The following ARPC1B variants were observed in gnomAD, a reference collection of about 807,000 sequenced individuals.
ARPC1B encodes the protein actin related protein 2/3 complex subunit 1B, also known as actin-related protein 2/3 complex subunit 1B.
In ARPC1B, 29 loss-of-function variants were observed where a neutral mutation model predicts 46.0. The ratio of observed to expected loss-of-function variants is 0.63; its 90% CI spans 0.47 to 0.86. The LOEUF (loss-of-function observed/expected upper bound fraction) is 0.86. Ranked by LOEUF, ARPC1B falls within the 40% of genes least tolerant of loss-of-function variation. ARPC1B has a pLI of 0.00. For synonymous variants in ARPC1B, 201 were observed against 213.9 expected, an observed-to-expected ratio of 0.94 and a Z score of 0.53; for missense variants, 469 against 529.4, an observed-to-expected ratio of 0.89 and a Z score of 1.12.
chr7:99,390,428 G>A (rs1242717626), intron 5 of ARPC1B, among the ~76,000 whole-genome samples: 3 of 151,810 alleles, frequency 2.0e-5, no homozygotes, highest in African/African-American at 7.3e-5. Flanking sequence ...GAGTGCAGTG[G>A]CGTGATATTG....
chr7:99,394,464 C>T lies in ARPC1B; in HGVS notation c.1094C>T (p.Ala365Val). The T allele has an allele frequency of 1.9e-6, 3 of 1,613,970 alleles. No individual in the cohort carries two copies. Among genetic ancestry groups the T allele is most frequent in the Non-Finnish European group, 2.5e-6 (3 of 1,179,964 alleles). ...GCCTCCCTGCAGAGCTTGGAGTCAG[C>T]CTTGAAGGACCTCAAGATCAAATGA... is the stretch of plus-strand genomic sequence containing the variant. The part of the protein sequence containing the change: ...SIWDVKSLES[A>V]LKDLKIK Residue 365 changes from alanine to valine, a missense_variant, in exon 10 of 10, where the codon GCC becomes GTC. Ala to Val is a moderately conservative substitution (Grantham distance 64, BLOSUM62 0). Coordinates refer to ENST00000646101, the MANE Select transcript of ARPC1B (RefSeq NM_005720.4).
At chr7:99,390,369 ATT>A (rs768452207) in intron 5 of ARPC1B, among the ~76,000 whole-genome samples, 25 of 140,422 alleles carry the variant, frequency 1.8e-4, no homozygotes, top group African/African-American at 1.6e-4. Flanking sequence ...GCTAGACAGG[ATT>A]TTTTTTTTTT....
chr7:99,388,037 A>G lies in ARPC1B; in HGVS notation c.170-2A>G. On this transcript the variant is annotated splice_acceptor_variant, in intron 3 of 9. Coordinates refer to ENST00000646101, the MANE Select transcript of ARPC1B (RefSeq NM_005720.4). LOFTEE classifies it high-confidence loss of function. ...TCCTGTGTTCCCTCCATCCCCCCACAGGCATCGACTGGGCCCCCGAGAGTA... is the reference window on the plus strand; with the variant it reads ...TCCTGTGTTCCCTCCATCCCCCCACGGGCATCGACTGGGCCCCCGAGAGTA... 1 of 1,591,892 alleles carries G rather than the reference A, an allele frequency of 6.3e-7. No homozygotes were observed. The highest frequency in any genetic ancestry group is 8.6e-7 in the Non-Finnish European group (1 of 1,161,552).
At chr7:99,385,307 G>C (rs1244177822) in intron 1 of ARPC1B, among the ~76,000 whole-genome samples, 1 of 77,872 alleles carries the variant, frequency 1.3e-5, no homozygotes, top group Non-Finnish European at 2.1e-5. Context: ...AAGTTGGGTG[G>C]GGGGGGGGGG....
At chr7:99,383,893 C>T (rs1794300147) in intron 1 of ARPC1B, among the ~76,000 whole-genome samples, 5 of 152,174 alleles carry the variant, frequency 3.3e-5, no homozygotes, top group South Asian at 2.1e-4. Flanking sequence ...AGGCCAGGTG[C>T]GGTGTGTCAT....
intron 1 of ARPC1B, among the ~76,000 whole-genome samples, chr7:99,381,258 T>C (rs1389380460): frequency 1.3e-5 from 2 of 152,200 alleles, no homozygotes; most frequent in African/African-American, 2.4e-5. Flanking sequence ...AAAGTGTGCT[T>C]GTGGACACAG....
intron 5 of ARPC1B, 60 bp downstream of exon 5, chr7:99,390,072 G>A (rs901898059): frequency 6.9e-7 from 1 of 1,456,624 alleles, no homozygotes. Context: ...TGACATCATA[G>A]CGGGGAGCCG....
Position 99,385,852 on chromosome 7 carries a change from G to A in ARPC1B, c.64+74G>A, listed in dbSNP as rs536397436. On this transcript the variant is annotated intron_variant, in intron 2 of 9. Coordinates refer to ENST00000646101, the MANE Select transcript of ARPC1B (RefSeq NM_005720.4). ...TGGGGACCAGCCAGAGCACACATGG[G>A]GACTCTGGAGCAGCCAGGCCCCCGG... is the stretch of plus-strand genomic sequence containing the variant. 3 of 1,470,656 alleles carry A rather than the reference G, an allele frequency of 2.0e-6. No individual in the cohort carries two copies. In the Admixed American group the frequency reaches 5.9e-5, roughly 29 times the overall value. The allele number at this position is 1,470,656 out of a possible 1,614,324, so 91.1% of individuals were successfully genotyped here.
At chr7:99,388,455 AC>A (rs1794470406) in intron 4 of ARPC1B, among the ~76,000 whole-genome samples, 194 bp downstream of exon 4, 1 of 152,040 alleles carries the variant, frequency 6.6e-6, no homozygotes, top group African/African-American at 2.4e-5. Context: ...TGCCAGTGAC[AC>A]CCACCACACC....
intron 1 of ARPC1B, among the ~76,000 whole-genome samples, chr7:99,382,204 G>A (rs1355182608): frequency 2.0e-5 from 3 of 152,054 alleles, no homozygotes; most frequent in Non-Finnish European, 2.9e-5. Flanking sequence ...TTAGGAGGCC[G>A]AGGCGGGCGG....
In ARPC1B at chr7:99,394,062, G is replaced by A. The variant is rs748155978; in HGVS notation, c.1023G>A (p.Lys341=). ...QISVLSGGKA[K]CSQFCTTGMD... ...CGGTGCTCAGCGGCGGCAAGGCCAA[G>A]TGCTCGCAGTTCTGCACCACTGGCA... The change falls in exon 9 of 10, where the codon AAG becomes AAA. Residue 341 remains lysine (K), a synonymous_variant. Transcript: ENST00000646101. The A allele has an allele frequency of 3.7e-6, 6 of 1,613,384 alleles. No homozygotes were observed. Among genetic ancestry groups the A allele is most frequent in the Middle Eastern group, 1.6e-4 (1 of 6,084 alleles).
chr7:99,390,790 T>C (rs1424640818), intron 5 of ARPC1B, 103 bp from the exon 6 acceptor site: 4 of 1,028,046 alleles, frequency 3.9e-6, no homozygotes, highest in Non-Finnish European at 5.7e-6. Context: ...CTTGACCTCC[T>C]GGGTTCAAGC....
At chr7:99,377,610 G>GCTTCTT (rs34058988) in intron 1 of ARPC1B, among the ~76,000 whole-genome samples, 8 of 150,240 alleles carry the variant, frequency 5.3e-5, no homozygotes, top group African/African-American at 2.0e-4. Flanking sequence ...ACCGCGCCCA[G>GCTTCTT]CTTCTTCTTC....
chr7:99,385,906 G>A, intron 2 of ARPC1B, 128 bp downstream of exon 2: 1 of 977,044 alleles, frequency 1.0e-6, no homozygotes. Flanking sequence ...CTGTCCCCTG[G>A]CCTCACCCCT....
chr7:99,379,571 C>T (rs1484763742), intron 1 of ARPC1B, among the ~76,000 whole-genome samples: 1 of 152,154 alleles, frequency 6.6e-6, no homozygotes, highest in East Asian at 1.9e-4. Context: ...CTAAGGAAGC[C>T]AGGCAAGAAG....
At position 99,394,260 on chromosome 7, in the gene ARPC1B, T is replaced by A. The variant is rs1243003151; in HGVS notation, c.1080+141T>A. ...GGGATGAGGGGTGGGGGCGGCCCCTTGACATCTGGGCCTTGGTGCTCACTG... is the reference window on the plus strand; with the variant it reads ...GGGATGAGGGGTGGGGGCGGCCCCTAGACATCTGGGCCTTGGTGCTCACTG... On this transcript the variant is annotated intron_variant, in intron 9 of 9. Coordinates refer to ENST00000646101, the MANE Select transcript of ARPC1B (RefSeq NM_005720.4). 3.5e-6 allele frequency: 4 copies of A among 1,126,962 alleles called. No individual in the cohort carries two copies. The African/African-American group carries it at 6.1e-5, about 17-fold the overall frequency. The allele number at this position is 1,126,962 out of a possible 1,614,324, so 69.8% of individuals were successfully genotyped here. A position where few individuals can be genotyped will look rare whatever the true frequency, so the allele number is the denominator to read the frequency against.
Position 99,386,728 on chromosome 7 carries a change from A to G in ARPC1B, c.108A>G (p.Glu36=). The change falls in exon 3 of 10, where the codon GAA becomes GAG. Residue 36 remains glutamate (E), a synonymous_variant. Coordinates refer to ENST00000646101, the MANE Select transcript of ARPC1B (RefSeq NM_005720.4). The part of the protein sequence containing the change: ...CPNNHEVHIY[E]KSGAKWTKVH... ...ACAACCATGAGGTGCATATCTATGAAAAGAGCGGTGCCAAATGGACCAAGG... is the reference window on the plus strand; with the variant it reads ...ACAACCATGAGGTGCATATCTATGAGAAGAGCGGTGCCAAATGGACCAAGG... 6.2e-7 allele frequency: 1 copy of G among 1,614,126 alleles called. No individual in the cohort carries two copies. The highest frequency in any genetic ancestry group is 8.5e-7 in the Non-Finnish European group (1 of 1,180,014).
At position 99,386,143 on chromosome 7, in the gene ARPC1B, C is replaced by CG. The variant is rs528545679; in HGVS notation, c.64+371dup. 1.5e-3 allele frequency among the ~76,000 whole-genome samples: 222 copies of CG among 151,394 alleles called. 2 individuals are homozygous for CG. The highest frequency in any genetic ancestry group is 3.0e-3 in the Non-Finnish European group (202 of 67,846). ...GTGGGTGTCTGTAATCCCAGCTACTCGGGGGGCTGAGGCACGAGAATTGCT... is the reference window on the plus strand; with the variant it reads ...GTGGGTGTCTGTAATCCCAGCTACTCGGGGGGGCTGAGGCACGAGAATTGCT... On this transcript the variant is annotated intron_variant, in intron 2 of 9. Coordinates refer to ENST00000646101, the MANE Select transcript of ARPC1B (RefSeq NM_005720.4).
chr7:99,393,957 C>T, intron 8 of ARPC1B, 72 bp from the exon 9 acceptor site: 1 of 1,512,722 alleles, frequency 6.6e-7, no homozygotes, highest in Non-Finnish European at 9.1e-7. Flanking sequence ...CTGGGAGCGC[C>T]TGGTGGACAG....
Sources: gnomAD v4.1 joint callset for allele counts (sites outside exome capture counted in the v4.1 genomes callset) on GRCh38, gnomAD v4.1.1 for gene constraint, MANE v1.5 for transcripts, NCBI Gene and HGNC (gene_info 2026-07-23, HGNC 2026-07-21) for gene names.